Variants in CENPI observed in about 807,000 individuals in gnomAD.
CENPI encodes the protein centromere protein I, also known as FSH primary response 1.
Under a neutral mutation model 60.4 loss-of-function variants are expected in CENPI, and 4 were observed. The observed-to-expected ratio is 0.07, with a 90% CI of 0.03 to 0.15. The LOEUF (loss-of-function observed/expected upper bound fraction) is 0.15. Among genes scored for constraint, CENPI ranks in the 10% least tolerant of loss-of-function variants. The pLI, the probability that CENPI is intolerant of heterozygous loss-of-function variation, is 1.00. For synonymous variants in CENPI, 157 were observed against 189.4 expected (o/e 0.83, Z 1.40); for missense variants, 444 against 534.5 (o/e 0.83, Z 1.67).
the CENPI span, among the ~76,000 whole-genome samples, chrX:101,174,668 G>A: frequency 9.0e-6 from 1 of 110,545 alleles, no homozygotes; most frequent in East Asian, 2.8e-4. Context: ...TACTAGAGGG[G>A]GGAGGGAGGG....
intron 3 of CENPI, among the ~76,000 whole-genome samples, chrX:101,101,955 G>C (rs896872211): frequency 8.9e-6 from 1 of 112,032 alleles, no homozygotes; most frequent in African/African-American, 3.2e-5. Flanking sequence ...ATCATTGTAC[G>C]TTTAACCTTT....
intron 20 of CENPI, among the ~76,000 whole-genome samples, chrX:101,153,594 C>A (rs1017931729): frequency 9.0e-6 from 1 of 111,414 alleles, no homozygotes; most frequent in Non-Finnish European, 1.9e-5. Flanking sequence ...GCCCTTTGCT[C>A]ATTTTTTAAT....
At chrX:101,117,812 G>A (rs186717661) in intron 6 of CENPI, among the ~76,000 whole-genome samples, 1 of 112,127 alleles carries the variant, frequency 8.9e-6, no homozygotes, top group Non-Finnish European at 1.9e-5. Flanking sequence ...AAAAATCTTG[G>A]TGAGAAAGCT....
At chrX:101,124,082 T>C (rs1346344885) in intron 8 of CENPI, among the ~76,000 whole-genome samples, 5 of 95,663 alleles carry the variant, frequency 5.2e-5, no homozygotes, top group African/African-American at 1.6e-4. Context: ...GTTGTACATA[T>C]AGAATCAAGT....
chrX:101,103,640 C>A (rs963938566), intron 4 of CENPI, among the ~76,000 whole-genome samples: 6 of 112,026 alleles, frequency 5.4e-5, no homozygotes, highest in African/African-American at 1.9e-4. Context: ...TGTGTCCGAC[C>A]TTCCTTTTAG....
chrX:101,157,876 T>C (rs12393704), intron 20 of CENPI, among the ~76,000 whole-genome samples: 16,947 of 109,922 alleles, frequency 0.15, 973 homozygotes, highest in Middle Eastern at 0.23. Context: ...CACACTACTG[T>C]GATATTAAAC....
At chrX:101,119,530 CAATA>C (rs1189422189) in intron 6 of CENPI, among the ~76,000 whole-genome samples, 1 of 111,506 alleles carries the variant, frequency 9.0e-6, no homozygotes, top group Non-Finnish European at 1.9e-5. Context: ...CAGCTGTAGA[CAATA>C]AATAAATGAA....
chrX:101,162,644 C>T (rs764385382), intron 21 of CENPI, among the ~76,000 whole-genome samples, 189 bp from the exon 22 acceptor site: 78 of 108,625 alleles, frequency 7.2e-4, no homozygotes, highest in African/African-American at 2.5e-3. Flanking sequence ...ATAAAATGGA[C>T]GTTTAGCCCT....
intron 15 of CENPI, among the ~76,000 whole-genome samples, chrX:101,138,306 T>C (rs894407193): frequency 5.5e-5 from 6 of 108,312 alleles, no homozygotes; most frequent in Admixed American, 9.9e-5. Flanking sequence ...CTTTCTTTAA[T>C]GTGGTGACAG....
At chrX:101,104,254 G>A (rs180682926) in intron 4 of CENPI, among the ~76,000 whole-genome samples, 172 of 112,870 alleles carry the variant, frequency 1.5e-3, no homozygotes, top group African/African-American at 5.4e-3. Context: ...GATTACAGGC[G>A]TGAGCCAGTG....
intron 15 of CENPI, among the ~76,000 whole-genome samples, chrX:101,136,444 T>A (rs2089848841): frequency 8.9e-6 from 1 of 112,144 alleles, no homozygotes; most frequent in African/African-American, 3.2e-5. Flanking sequence ...TGACTAAGGA[T>A]AACAGGAATG....
intron 6 of CENPI, among the ~76,000 whole-genome samples, chrX:101,116,931 A>G (rs1393911821): frequency 1.8e-5 from 2 of 111,455 alleles, no homozygotes; most frequent in Non-Finnish European, 3.8e-5. Flanking sequence ...TTCCCTGATA[A>G]CTAATGATAT....
chrX:101,176,371 G>C, the CENPI span, among the ~76,000 whole-genome samples: 4 of 109,946 alleles, frequency 3.6e-5, no homozygotes, highest in African/African-American at 1.3e-4. Context: ...GTTCTCCGTG[G>C]TGGCTATACT....
In CENPI at chrX:101,107,676, T is replaced by C. The variant is rs1412687782; in HGVS notation, c.365-1797T>C. Among the ~76,000 whole-genome samples, 5 of 108,601 alleles carry C rather than the reference T, an allele frequency of 4.6e-5. No homozygotes were observed. The Admixed American group carries it at 5.0e-4, about 11-fold the overall frequency. 94.3% of individuals were successfully genotyped at this position (108,601 alleles called of 115,157 possible). On this transcript the variant is annotated intron_variant, in intron 4 of 21. Coordinates refer to ENST00000682095, the MANE Select transcript of CENPI (RefSeq NM_001386188.2). ...CCTCATAAAATTCATTGTTTTATTT[T>C]TTTATTTTTGAGATGGAGTTTCACT... is the stretch of plus-strand genomic sequence containing the variant.
At chrX:101,124,613 T>C (rs2089714945) in intron 8 of CENPI, among the ~76,000 whole-genome samples, 1 of 111,192 alleles carries the variant, frequency 9.0e-6, no homozygotes, top group Non-Finnish European at 1.9e-5. Context: ...TCCCCACATG[T>C]CGTGGGAGGG....
intron 6 of CENPI, among the ~76,000 whole-genome samples, chrX:101,113,322 CAG>C (rs1243988398): frequency 1.4e-5 from 1 of 69,813 alleles, no homozygotes; most frequent in Non-Finnish European, 2.8e-5. Context: ...CACACACACA[CAG>C]AGTAGATTTT....
At chrX:101,106,417 C>CTT (rs148918897) in intron 4 of CENPI, among the ~76,000 whole-genome samples, 1 of 95,438 alleles carries the variant, frequency 1.0e-5, no homozygotes, top group Non-Finnish European at 2.1e-5. Flanking sequence ...TCTATGACAT[C>CTT]TTTTTTTTTT....
chrX:101,109,075 G>GTTTTTTTTTTTTTTTTTTTTTTTT (rs869245080), intron 4 of CENPI, among the ~76,000 whole-genome samples: 1 of 47,318 alleles, frequency 2.1e-5, no homozygotes, highest in Non-Finnish European at 3.8e-5. Context: ...GAGGTGTGGT[G>GTTTTTTTTTTTTTTTTTTTTTTTT]TTTTTTTTTT....
In CENPI at chrX:101,127,662, A is replaced by G; in HGVS notation, c.1071A>G (p.Leu357=). 1.7e-6 allele frequency: 2 copies of G among 1,156,153 alleles called. No individual in the cohort carries two copies. Among genetic ancestry groups the G allele is most frequent in the Non-Finnish European group, 2.3e-6 (2 of 863,833 alleles). ...FPQLLQNIHC[L]ELPSQMGSVL... is the part of the protein sequence containing the mutation. ...AACTTTTACAGAACATCCATTGCTT[A>G]GAGGTATGTGACTGGACCATGTGCT... The change falls in exon 11 of 22, where the codon TTA becomes TTG. Residue 357 remains leucine (L), a synonymous_variant. Transcript: ENST00000682095.
Sources: gnomAD v4.1 joint callset for allele counts (sites outside exome capture counted in the v4.1 genomes callset) on GRCh38, gnomAD v4.1.1 for gene constraint, MANE v1.5 for transcripts, NCBI Gene and HGNC (gene_info 2026-07-23, HGNC 2026-07-21) for gene names.